The following TPCN1 variants were observed in gnomAD, a reference collection of about 807,000 sequenced individuals.
The protein encoded by TPCN1 is two pore segment channel 1.
Under a neutral mutation model 108.8 loss-of-function variants are expected in TPCN1, and 52 were observed. The ratio of observed to expected loss-of-function variants is 0.48; its 90% CI spans 0.38 to 0.60. The LOEUF is 0.60. Among genes scored for constraint, TPCN1 ranks in the 20% least tolerant of loss-of-function variants. TPCN1 has a pLI of 0.00. For synonymous variants in TPCN1, 446 were observed against 433.7 expected (o/e 1.03, Z -0.35); for missense variants, 806 against 1,072.8 (o/e 0.75, Z 3.47).
intron 2 of TPCN1, among the ~76,000 whole-genome samples, chr12:113,255,514 A>G (rs571413014): frequency 1.6e-4 from 24 of 151,924 alleles, no homozygotes; most frequent in Non-Finnish European, 3.2e-4. Flanking sequence ...AAATTGACTA[A>G]TTATTATTAT....
chr12:113,238,637 C>G (rs541569665), intron 2 of TPCN1, among the ~76,000 whole-genome samples: 30 of 152,332 alleles, frequency 2.0e-4, no homozygotes, highest in African/African-American at 7.0e-4. Flanking sequence ...CCTTCCCTAA[C>G]CTTTGAGGAT....
chr12:113,260,071 T>A (rs773041182), intron 2 of TPCN1, among the ~76,000 whole-genome samples: 1 of 152,364 alleles, frequency 6.6e-6, no homozygotes, highest in Non-Finnish European at 1.5e-5. Context: ...TTTCTTTTGG[T>A]AAAGATAAGT....
intron 2 of TPCN1, among the ~76,000 whole-genome samples, chr12:113,253,238 G>A (rs913542203): frequency 2.0e-5 from 3 of 152,162 alleles, no homozygotes; most frequent in African/African-American, 7.2e-5. Flanking sequence ...TAGATACAAT[G>A]TATTTAGATA....
intron 3 of TPCN1, among the ~76,000 whole-genome samples, chr12:113,263,795 G>A (rs574678944): frequency 3.3e-5 from 5 of 152,216 alleles, no homozygotes; most frequent in African/African-American, 2.4e-5. Context: ...CCCAGGGAGC[G>A]GAGAGCAAAG....
intron 3 of TPCN1, 105 bp downstream of exon 3, chr12:113,260,597 A>G (rs1228591875): frequency 5.1e-6 from 7 of 1,370,332 alleles, no homozygotes; most frequent in African/African-American, 3.0e-5. Flanking sequence ...GCATCAGTTC[A>G]TGCTGCTGCT....
chr12:113,245,335 C>T (rs1384858958), intron 2 of TPCN1, among the ~76,000 whole-genome samples: 7 of 149,294 alleles, frequency 4.7e-5, no homozygotes, highest in African/African-American at 1.2e-4. Flanking sequence ...CGGTGGCTCA[C>T]GCCTGTAATC....
At chr12:113,293,931 G>A (rs1956350678) in intron 27 of TPCN1, among the ~76,000 whole-genome samples, 1 of 152,164 alleles carries the variant, frequency 6.6e-6, no homozygotes, top group Admixed American at 6.5e-5. Flanking sequence ...TCCGCCTCCT[G>A]GGTTCAAGCG....
At chr12:113,243,091 C>T (rs1378882079) in intron 2 of TPCN1, among the ~76,000 whole-genome samples, 2 of 152,208 alleles carry the variant, frequency 1.3e-5, no homozygotes, top group South Asian at 2.1e-4. Context: ...TACATCTGGC[C>T]GGGTGCGGTG....
chr12:113,274,911 G>A (rs1044711468), intron 10 of TPCN1, among the ~76,000 whole-genome samples: 1 of 152,168 alleles, frequency 6.6e-6, no homozygotes, highest in Non-Finnish European at 1.5e-5. Flanking sequence ...CACTTATCAG[G>A]AACCATCAGA....
intron 2 of TPCN1, among the ~76,000 whole-genome samples, chr12:113,236,288 A>G (rs1179856072): frequency 6.6e-6 from 1 of 152,168 alleles, no homozygotes; most frequent in African/African-American, 2.4e-5. Context: ...GTGCACGTAC[A>G]GCTTGGCATC....
chr12:113,250,402 T>C (rs1367145811), intron 2 of TPCN1, among the ~76,000 whole-genome samples: 5 of 152,238 alleles, frequency 3.3e-5, no homozygotes, highest in African/African-American at 1.2e-4. Flanking sequence ...AGCTGCTCAC[T>C]GGCTGGTGAA....
chr12:113,256,167 C>T (rs997933901), intron 2 of TPCN1, among the ~76,000 whole-genome samples: 1 of 151,990 alleles, frequency 6.6e-6, no homozygotes, highest in African/African-American at 2.4e-5. Flanking sequence ...GAGATAGGGT[C>T]TCACTATATT....
At chr12:113,274,419 G>A (rs979255780) in intron 10 of TPCN1, among the ~76,000 whole-genome samples, 1 of 151,956 alleles carries the variant, frequency 6.6e-6, no homozygotes, top group Non-Finnish European at 1.5e-5. Context: ...TTGCACTCCA[G>A]CCTGGGCAAC....
At chr12:113,245,561 A>C (rs1242942588) in intron 2 of TPCN1, among the ~76,000 whole-genome samples, 1 of 122,572 alleles carries the variant, frequency 8.2e-6, no homozygotes, top group Non-Finnish European at 1.7e-5. Flanking sequence ...AGATCGCGCC[A>C]CTGCACTCCA....
intron 2 of TPCN1, among the ~76,000 whole-genome samples, chr12:113,255,530 A>AT (rs1302455857): frequency 1.3e-5 from 2 of 151,512 alleles, no homozygotes; most frequent in African/African-American, 4.9e-5. Flanking sequence ...ATTATTAATT[A>AT]ATTTTTTTTT....
At chr12:113,256,249 T>G (rs1443420733) in intron 2 of TPCN1, among the ~76,000 whole-genome samples, 1 of 152,162 alleles carries the variant, frequency 6.6e-6, no homozygotes, top group Non-Finnish European at 1.5e-5. Context: ...ATTGACTAAT[T>G]CTAAAGTTCA....
At chr12:113,244,181 C>A in intron 2 of TPCN1, 1 of 413,704 alleles carries the variant, frequency 2.4e-6, no homozygotes, top group Non-Finnish European at 3.2e-6. Flanking sequence ...AGGGCATTAT[C>A]CTGACCACTT....
chr12:113,238,632 C>T (rs760436820), intron 2 of TPCN1, among the ~76,000 whole-genome samples: 4 of 152,162 alleles, frequency 2.6e-5, no homozygotes, highest in Non-Finnish European at 5.9e-5. Context: ...GAGAGCCTTC[C>T]CTAACCTTTG....
chr12:113,275,050 C>G (rs1323326960), intron 10 of TPCN1, among the ~76,000 whole-genome samples: 6 of 152,180 alleles, frequency 3.9e-5, no homozygotes. Flanking sequence ...ACATCCGACA[C>G]CAGGCTGTTA....
Sources: gnomAD v4.1 joint callset for allele counts (sites outside exome capture counted in the v4.1 genomes callset) on GRCh38, gnomAD v4.1.1 for gene constraint, MANE v1.5 for transcripts, NCBI Gene and HGNC (gene_info 2026-07-23, HGNC 2026-07-21) for gene names.